RGPD1: variants seen among roughly 807,000 people sequenced by gnomAD.
RGPD1 encodes the protein RANBP2-like and GRIP domain-containing protein 1.
RGPD1 carries 7 observed loss-of-function variants against 40.6 expected under a neutral mutation model. The observed-to-expected ratio is 0.17, with a 90% CI of 0.10 to 0.32. RGPD1 has a LOEUF of 0.32. RGPD1 is among the 10% of genes least tolerant of loss of function. The pLI, the probability that RGPD1 is intolerant of heterozygous loss-of-function variation, is 1.00. For synonymous variants in RGPD1, 24 were observed against 167.0 expected (o/e 0.14, Z 6.60); for missense variants, 50 against 472.5 (o/e 0.11, Z 8.29).
At chr2:86,925,599 T>G (rs1678426933) in intron 1 of RGPD1, among the ~76,000 whole-genome samples, 1 of 152,206 alleles carries the variant, frequency 6.6e-6, no homozygotes, top group Admixed American at 6.5e-5. Flanking sequence ...TTTTCAAAAA[T>G]TAAGGCATAT....
chr2:86,927,067 A>G lies in RGPD1; in HGVS notation c.72+13146A>G, dbSNP rs192888115. Among the ~76,000 whole-genome samples the G allele has an allele frequency of 1.2e-3, 181 of 152,310 alleles. 2 individuals are homozygous for G. Among genetic ancestry groups the G allele is most frequent in the African/African-American group, 3.9e-3 (163 of 41,556 alleles). On this transcript the variant is annotated intron_variant, in intron 1 of 22. Coordinates refer to the RGPD1 transcript ENST00000398193. ...ATTTTTTTCATTTGTGAAATGAAGT[A>G]GTTGCACTAGATCATTTTCAATTTT...
intron 1 of RGPD1, among the ~76,000 whole-genome samples, chr2:86,935,927 T>A (rs1022541952): frequency 4.1e-5 from 6 of 147,344 alleles, no homozygotes; most frequent in Admixed American, 6.8e-5. Flanking sequence ...CAGCACTACT[T>A]CTTCCATCTT....
chr2:86,923,467 C>T (rs1013885961), intron 1 of RGPD1, among the ~76,000 whole-genome samples: 10 of 151,358 alleles, frequency 6.6e-5, no homozygotes. Flanking sequence ...GTAACCTACA[C>T]TCCTATATAG....
intron 1 of RGPD1, among the ~76,000 whole-genome samples, chr2:86,944,576 G>T (rs758802476): frequency 1.2e-4 from 18 of 152,052 alleles, no homozygotes; most frequent in Non-Finnish European, 2.1e-4. Context: ...GTTTTGTTCT[G>T]TTTTGTTTTT....
At chr2:86,939,489 G>C (rs1245945305), upstream of RGPD1, among the ~76,000 whole-genome samples, 3 of 146,376 alleles carry the variant, frequency 2.0e-5, no homozygotes, top group Non-Finnish European at 4.5e-5. Context: ...TGAGGCACAA[G>C]AATTGCTTGA....
intron 1 of RGPD1, among the ~76,000 whole-genome samples, chr2:86,919,407 G>A (rs1397616693): frequency 1.4e-5 from 2 of 146,996 alleles, no homozygotes; most frequent in South Asian, 2.2e-4. Context: ...CGTTCGTCAC[G>A]CCTCTGCGTA....
chr2:86,926,784 G>T (rs1449080442), intron 1 of RGPD1, among the ~76,000 whole-genome samples: 2 of 152,144 alleles, frequency 1.3e-5, no homozygotes, highest in African/African-American at 4.8e-5. Context: ...AATTGTCTGA[G>T]ATCTCACAAA....
chr2:86,943,577 G>A lies in RGPD1; in HGVS notation c.72+1269G>A, dbSNP rs549639865. On this transcript the variant is annotated intron_variant, in intron 1 of 22. Transcript: ENST00000641458. ...TGTCGTTTATAAGCTGGGTATTTGG[G>A]GCCAGTTACACTTTTCATCCATAGA... Among the ~76,000 whole-genome samples the A allele has an allele frequency of 5.9e-5, 9 of 152,050 alleles. No individual in the cohort carries two copies. In the East Asian group the frequency reaches 1.4e-3, roughly 23 times the overall value.
At chr2:86,942,764 G>A (rs1226552572) in intron 1 of RGPD1, among the ~76,000 whole-genome samples, 72 of 151,380 alleles carry the variant, frequency 4.8e-4, no homozygotes, top group Non-Finnish European at 5.9e-4. Context: ...GCTGCTCCCT[G>A]GCGCGCTCTG....
At chr2:86,941,088 C>G (rs1298103592), upstream of RGPD1, among the ~76,000 whole-genome samples, 3 of 151,768 alleles carry the variant, frequency 2.0e-5, no homozygotes, top group Admixed American at 6.6e-5. Context: ...TATCCACAAC[C>G]AAAATAGCCC....
At chr2:86,925,665 T>G (rs1033712559) in intron 1 of RGPD1, among the ~76,000 whole-genome samples, 2 of 152,214 alleles carry the variant, frequency 1.3e-5, no homozygotes, top group Non-Finnish European at 2.9e-5. Context: ...TTGCTTTGAT[T>G]TAATACAAAT....
At chr2:87,006,782 A>T (rs1336309822) in intron 22 of RGPD1, among the ~76,000 whole-genome samples, 1 of 57,926 alleles carries the variant, frequency 1.7e-5, no homozygotes, top group Non-Finnish European at 2.9e-5. Context: ...CACTACTAGC[A>T]CATTTTTAAA....
chr2:86,943,969 G>C (rs148200410), intron 1 of RGPD1, among the ~76,000 whole-genome samples: 3 of 151,638 alleles, frequency 2.0e-5, no homozygotes, highest in Non-Finnish European at 2.9e-5. Flanking sequence ...AGCCGAGGTC[G>C]CGCTACTGCA....
At chr2:86,938,305 C>T (rs1385179147), upstream of RGPD1, among the ~76,000 whole-genome samples, 3 of 112,856 alleles carry the variant, frequency 2.7e-5, no homozygotes, top group South Asian at 2.9e-4. Flanking sequence ...TACAAAAAGC[C>T]ATCCAAGATG....
chr2:86,929,654 G>A (rs1678763700), intron 1 of RGPD1, among the ~76,000 whole-genome samples: 1 of 116,216 alleles, frequency 8.6e-6, no homozygotes, highest in African/African-American at 3.2e-5. Context: ...TAAGTCAGTA[G>A]GAGCTCAAAG....
intron 1 of RGPD1, among the ~76,000 whole-genome samples, chr2:86,945,502 ATG>A (rs1335432863): frequency 1.3e-5 from 2 of 152,124 alleles, no homozygotes; most frequent in African/African-American, 4.8e-5. Flanking sequence ...GCTTTCTAGA[ATG>A]TCTGAGTTTT....
chr2:86,943,611 T>C (rs1158523049), intron 1 of RGPD1, among the ~76,000 whole-genome samples: 1 of 152,176 alleles, frequency 6.6e-6, no homozygotes, highest in Non-Finnish European at 1.5e-5. Flanking sequence ...GATGGAGTTG[T>C]AACATTAATA....
rs1254831472 is a variant in RGPD1 at position 86,942,266 on chromosome 2, G to A, written c.30G>A (p.Arg10=). ...GGCGCAGCAAGGCCTACGGGGAGCG[G>A]TACGTCGCCTCGGTGCAGGGCTCCG... is the stretch of plus-strand genomic sequence containing the variant. The part of the protein sequence containing the change: MRRSKAYGE[R]YVASVQGSAP... The change falls in exon 1 of 23, where the codon CGG becomes CGA. Residue 10 remains arginine (R), a synonymous_variant. Transcript: ENST00000641458. 9 of 1,607,298 alleles carry A rather than the reference G, an allele frequency of 5.6e-6. No homozygotes were observed. The highest frequency in any genetic ancestry group is 1.1e-5 in the South Asian group (1 of 90,126).
chr2:86,941,900 T>G (rs1254290874), upstream of RGPD1, among the ~76,000 whole-genome samples: 2 of 151,692 alleles, frequency 1.3e-5, no homozygotes, highest in African/African-American at 4.9e-5. Flanking sequence ...TTAGTAGAGA[T>G]GGGTTTTCGC....
Sources: gnomAD v4.1 joint callset for allele counts (sites outside exome capture counted in the v4.1 genomes callset) on GRCh38, gnomAD v4.1.1 for gene constraint, MANE v1.5 for transcripts, NCBI Gene and HGNC (gene_info 2026-07-23, HGNC 2026-07-21) for gene names.